MYLK4: variants seen among roughly 807,000 people sequenced by gnomAD.
The protein encoded by MYLK4 is myosin light chain kinase family member 4.
MYLK4 carries 46 observed loss-of-function variants against 48.1 expected under a neutral mutation model. The ratio of observed to expected loss-of-function variants is 0.96; its 90% CI spans 0.75 to 1.22. The LOEUF (loss-of-function observed/expected upper bound fraction) is 1.22, where lower values mean the gene tolerates loss of function less well. Ranked by LOEUF, MYLK4 falls within the 50% of genes most tolerant of loss-of-function variation. The pLI, the probability that MYLK4 is intolerant of heterozygous loss-of-function variation, is 0.00. For synonymous variants in MYLK4, 170 were observed against 180.8 expected, an observed-to-expected ratio of 0.94 and a Z score of 0.48; for missense variants, 451 against 486.1, an observed-to-expected ratio of 0.93 and a Z score of 0.68.
At chr6:2,709,836 A>C (rs773371505) in intron 2 of MYLK4, among the ~76,000 whole-genome samples, 4 of 152,226 alleles carry the variant, frequency 2.6e-5, no homozygotes, top group Non-Finnish European at 5.9e-5. Context: ...CTTTAAGAGT[A>C]GGTGTTGGGA....
In MYLK4 at chr6:2,685,918, A is replaced by G. The variant is rs1472197669; in HGVS notation, c.342-342T>C. 6.6e-6 allele frequency among the ~76,000 whole-genome samples: 1 copy of G among 152,114 alleles called. No individual in the cohort carries two copies. The highest frequency in any genetic ancestry group is 2.4e-5 in the African/African-American group (1 of 41,422). On this transcript the variant is annotated intron_variant, in intron 4 of 12. Transcript: ENST00000274643. This position sits in a 1 kb window ranked among gnomAD's most constrained non-coding sequence, Gnocchi z 4.5. ...TCTGCTAAAAATACAAATACAAAAA[A>G]TTAGCCAGATGTGATGGCATGTGTC...
At chr6:2,691,122 A>G (rs561296878) in intron 3 of MYLK4, among the ~76,000 whole-genome samples, 188 of 152,238 alleles carry the variant, frequency 1.2e-3, no homozygotes, top group Non-Finnish European at 2.0e-3. Context: ...GAGCCACCGC[A>G]CCCAGCCAAT....
Position 2,665,635 on chromosome 6 carries a change from G to C in MYLK4, c.*2290C>G, listed in dbSNP as rs1302501070. 1 of 152,218 alleles carries C rather than the reference G, an allele frequency of 6.6e-6. No individual in the cohort carries two copies. The highest frequency in any genetic ancestry group is 2.4e-5 in the African/African-American group (1 of 41,448). 9.4% of individuals were successfully genotyped at this position (152,218 alleles called of 1,614,324 possible). A position where few individuals can be genotyped will look rare whatever the true frequency, so the allele number is the denominator to read the frequency against. On this transcript the variant is annotated 3_prime_UTR_variant, in exon 13 of 13. Coordinates refer to ENST00000274643, the MANE Select transcript of MYLK4 (RefSeq NM_001012418.5). ...GGCAGGGTCTGGGGACAGTTTATCT[G>C]CCAACCTGAGTCAGAAGGGAAGGTG...
At chr6:2,725,683 A>G (rs1763248866) in intron 2 of MYLK4, among the ~76,000 whole-genome samples, 1 of 152,180 alleles carries the variant, frequency 6.6e-6, no homozygotes. Flanking sequence ...AATTTTAAAA[A>G]GAATATCCTG....
At chr6:2,727,357 G>A (rs963176531) in intron 2 of MYLK4, among the ~76,000 whole-genome samples, 2 of 152,194 alleles carry the variant, frequency 1.3e-5, no homozygotes, top group Non-Finnish European at 2.9e-5. Flanking sequence ...AGTTGGGAGA[G>A]CTGGAGGAAT....
chr6:2,749,425 C>T lies in MYLK4; in HGVS notation c.-112-19G>A. 2 of 706,948 alleles carry T rather than the reference C, an allele frequency of 2.8e-6. No individual in the cohort carries two copies. The highest frequency in any genetic ancestry group is 4.6e-6 in the Non-Finnish European group (2 of 436,762). The allele number at this position is 706,948 out of a possible 1,614,324, so 43.8% of individuals were successfully genotyped here. ...CTCTTGACTGCAAAGAAAGGAAACA[C>T]AAAAAGTTCTCATCACGTATTCATG... On this transcript the variant is annotated intron_variant, in intron 1 of 12. Transcript: ENST00000274643.
the MYLK4 span, chr6:2,765,423 C>T: frequency 1.9e-6 from 1 of 525,776 alleles, no homozygotes; most frequent in Non-Finnish European, 2.8e-6. Flanking sequence ...TGAGGCGCTG[C>T]CAGCGGCCGG....
Position 2,672,864 on chromosome 6 carries a change from A to G in MYLK4, c.1120-1516T>C, listed in dbSNP as rs190781911. 3.9e-5 allele frequency among the ~76,000 whole-genome samples: 6 copies of G among 152,344 alleles called. No homozygotes were observed. The highest frequency in any genetic ancestry group is 3.9e-4 in the Admixed American group (6 of 15,308). ...CCCTGTCCTGAGTGTTCTCAGCTAC[A>G]GACACTAATGTGCCCATTTTGTGCG... On this transcript the variant is annotated intron_variant, in intron 11 of 12. Transcript: ENST00000274643. This position sits in a 1 kb window ranked among gnomAD's most constrained non-coding sequence, Gnocchi z 4.3.
chr6:2,766,135 C>CGGCGAT, the MYLK4 span: 1 of 1,239,992 alleles, frequency 8.1e-7, no homozygotes, highest in Non-Finnish European at 1.0e-6. Context: ...CCGTGGGCGA[C>CGGCGAT]GGCGATGGCG....
the MYLK4 span, among the ~76,000 whole-genome samples, chr6:2,769,502 A>C: frequency 6.6e-6 from 1 of 152,146 alleles, no homozygotes; most frequent in African/African-American, 2.4e-5. Context: ...TAACTTTAAA[A>C]AATTTTTTTT....
At chr6:2,769,505 T>C in the MYLK4 span, among the ~76,000 whole-genome samples, 62 of 151,842 alleles carry the variant, frequency 4.1e-4, no homozygotes, top group African/African-American at 1.3e-3. Context: ...CTTTAAAAAA[T>C]TTTTTTTTGT....
the MYLK4 span, chr6:2,766,280 C>G: frequency 6.3e-7 from 1 of 1,588,430 alleles, no homozygotes; most frequent in African/African-American, 1.3e-5. Context: ...GGAGATCCGA[C>G]AGATGCTACA....
intron 8 of MYLK4, among the ~76,000 whole-genome samples, chr6:2,679,648 G>A (rs1761219264): frequency 6.6e-6 from 1 of 152,228 alleles, no homozygotes; most frequent in African/African-American, 2.4e-5. Context: ...TGTTGGAGAA[G>A]CTGCTGTGAA....
At chr6:2,757,152 T>TTA in the MYLK4 span, among the ~76,000 whole-genome samples, 1 of 151,406 alleles carries the variant, frequency 6.6e-6, no homozygotes, top group African/African-American at 2.4e-5. Flanking sequence ...TTTTTTTTTT[T>TTA]AATTAAAGAT....
Position 2,675,042 on chromosome 6 carries a change from G to A in MYLK4, c.1119+5C>T. On this transcript the variant is annotated splice_donor_5th_base_variant and intron_variant, in intron 11 of 12. Coordinates refer to ENST00000274643, the MANE Select transcript of MYLK4 (RefSeq NM_001012418.5). Reference sequence around the variant, plus strand: ...AAAAGAGGAAGAGCAAGAAGCCGTGGTCACCTGGGCATTGAGTCTGGAGTG... The same window carrying A: ...AAAAGAGGAAGAGCAAGAAGCCGTGATCACCTGGGCATTGAGTCTGGAGTG... 6.2e-7 allele frequency: 1 copy of A among 1,611,296 alleles called. No homozygotes were observed. The highest frequency in any genetic ancestry group is 8.5e-7 in the Non-Finnish European group (1 of 1,177,390).
Position 2,667,793 on chromosome 6 carries a change from G to A in MYLK4, c.*132C>T, listed in dbSNP as rs1014983816. 1 of 152,578 alleles carries A rather than the reference G, an allele frequency of 6.6e-6. No homozygotes were observed. Among genetic ancestry groups the A allele is most frequent in the African/African-American group, 2.4e-5 (1 of 41,428 alleles). 9.5% of individuals were successfully genotyped at this position (152,578 alleles called of 1,614,324 possible). A position where few individuals can be genotyped will look rare whatever the true frequency, so the allele number is the denominator to read the frequency against. On this transcript the variant is annotated 3_prime_UTR_variant, in exon 13 of 13. Transcript: ENST00000274643. ...CCAGTTCAAGTTCACATTCAGGGTC[G>A]AGGGCTCCCCCTGCTAAGACTACCA...
intron 7 of MYLK4, among the ~76,000 whole-genome samples, chr6:2,681,490 G>A (rs1349430409): frequency 6.6e-6 from 1 of 152,180 alleles, no homozygotes; most frequent in Non-Finnish European, 1.5e-5. Context: ...AATTGTGAAG[G>A]AGTACTGTGG....
At chr6:2,762,235 C>G in the MYLK4 span, among the ~76,000 whole-genome samples, 1 of 152,142 alleles carries the variant, frequency 6.6e-6, no homozygotes, top group Non-Finnish European at 1.5e-5. Flanking sequence ...CCATAGTACA[C>G]AAGTTTCCCA....
chr6:2,668,479 T>C (rs1207598121), intron 12 of MYLK4, among the ~76,000 whole-genome samples: 1 of 152,196 alleles, frequency 6.6e-6, no homozygotes, highest in Non-Finnish European at 1.5e-5. Flanking sequence ...TTTGGGAATG[T>C]TTCCTCTAAC....
Sources: allele counts gnomAD v4.1 joint callset (sites outside exome capture counted in the v4.1 genomes callset), GRCh38; gene constraint gnomAD v4.1.1; non-coding constraint Gnocchi (gnomAD v3.1); transcripts MANE v1.5; gene names NCBI Gene and HGNC (gene_info 2026-07-23, HGNC 2026-07-21).